REV3L: variants seen among roughly 807,000 people sequenced by gnomAD.
REV3L encodes the protein REV3 like, DNA directed polymerase zeta catalytic subunit, also known as DNA polymerase zeta catalytic subunit.
Under a neutral mutation model 299.4 loss-of-function variants are expected in REV3L, and 69 were observed. That is an observed-to-expected ratio of 0.23 (90% CI 0.19 to 0.28). The LOEUF (loss-of-function observed/expected upper bound fraction) is 0.28. Among genes scored for constraint, REV3L ranks in the 10% least tolerant of loss-of-function variants. REV3L has a pLI of 1.00. For missense variants in REV3L, 3,128 were observed against 3,693.8 expected, an observed-to-expected ratio of 0.85 and a Z score of 3.97; for synonymous variants, 1,238 against 1,271.4, an observed-to-expected ratio of 0.97 and a Z score of 0.56.
chr6:111,394,302 G>A (rs1416997032), intron 4 of REV3L, among the ~76,000 whole-genome samples: 1 of 151,952 alleles, frequency 6.6e-6, no homozygotes, highest in African/African-American at 2.4e-5. Flanking sequence ...ACCAGCATTT[G>A]TTGGTGTCTT....
At chr6:111,344,709 A>G (rs527695714) in intron 20 of REV3L, among the ~76,000 whole-genome samples, 11 of 152,366 alleles carry the variant, frequency 7.2e-5, no homozygotes, top group African/African-American at 2.4e-4. Flanking sequence ...GACAAAAGCA[A>G]TCTAGACAAT....
intron 1 of REV3L, among the ~76,000 whole-genome samples, chr6:111,428,130 T>C (rs891865729): frequency 3.3e-5 from 5 of 151,470 alleles, no homozygotes; most frequent in Non-Finnish European, 5.9e-5. Context: ...AATAAATAAC[T>C]AATCCTTGAA....
rs752881412 is a variant in REV3L, at chr6:111,374,980, TGGA to T, written c.3372_3374del (p.Pro1126del). The T allele has an allele frequency of 1.9e-6, 3 of 1,612,648 alleles. No individual in the cohort carries two copies. The Admixed American group carries it at 5.0e-5, about 27-fold the overall frequency. ...GATCTGTGGGAGACCAGCAGCGAGG[TGGA>T]GAAGAATTTATGGGACTTGTGCTTC... On this transcript the variant is annotated inframe_deletion, in exon 13 of 32. Transcript: ENST00000368802.
At chr6:111,348,892 G>A (rs1777293785) in intron 20 of REV3L, 2 of 162,280 alleles carry the variant, frequency 1.2e-5, no homozygotes, top group African/African-American at 4.8e-5. Flanking sequence ...TGGGCTCAAG[G>A]GATGCCCCTG....
intron 1 of REV3L, among the ~76,000 whole-genome samples, chr6:111,473,563 T>G (rs1792520511): frequency 6.6e-6 from 1 of 151,836 alleles, no homozygotes; most frequent in Non-Finnish European, 1.5e-5. Context: ...ACAGCCCAAG[T>G]CATCATAAAA....
chr6:111,408,051 A>T (rs73765957), intron 3 of REV3L, among the ~76,000 whole-genome samples: 3,659 of 152,304 alleles, frequency 0.024, 78 homozygotes, highest in Admixed American at 0.065. Context: ...ATGTGTGCGT[A>T]TAATTAGCAA....
chr6:111,319,109 T>TA (rs5879100), intron 26 of REV3L, among the ~76,000 whole-genome samples: 3 of 152,060 alleles, frequency 2.0e-5, no homozygotes, highest in Non-Finnish European at 2.9e-5. Context: ...TACATGTTGT[T>TA]AAAAATTATA....
chr6:111,323,794 C>T (rs912976331), intron 25 of REV3L, among the ~76,000 whole-genome samples: 28 of 152,176 alleles, frequency 1.8e-4, no homozygotes, highest in African/African-American at 6.7e-4. Flanking sequence ...GCAAACTGCA[C>T]ATTTTTTTTT....
chr6:111,397,301 T>C (rs956672250), intron 4 of REV3L, among the ~76,000 whole-genome samples: 1 of 152,134 alleles, frequency 6.6e-6, no homozygotes, highest in Non-Finnish European at 1.5e-5. Flanking sequence ...TTTTGGTATG[T>C]TGTGTTTCCA....
chr6:111,346,564 G>A (rs2114919627), intron 20 of REV3L, among the ~76,000 whole-genome samples: 1 of 152,272 alleles, frequency 6.6e-6, no homozygotes, highest in Middle Eastern at 3.4e-3. Context: ...GTGCACTGCA[G>A]CCTTGAATTC....
chr6:111,349,858 T>A (rs1234593474), intron 19 of REV3L, among the ~76,000 whole-genome samples: 1 of 152,230 alleles, frequency 6.6e-6, no homozygotes, highest in Non-Finnish European at 1.5e-5. Context: ...GTTGACATCA[T>A]GTTCACATTC....
chr6:111,460,626 A>G (rs866269286), intron 1 of REV3L, among the ~76,000 whole-genome samples: 1 of 152,068 alleles, frequency 6.6e-6, no homozygotes, highest in Non-Finnish European at 1.5e-5. Context: ...AGAAATGTTA[A>G]AAGTTCTTCA....
intron 11 of REV3L, among the ~76,000 whole-genome samples, 153 bp downstream of exon 11, chr6:111,379,829 C>T (rs1461268460): frequency 6.6e-6 from 1 of 151,844 alleles, no homozygotes; most frequent in African/African-American, 2.4e-5. Context: ...GGAGTATACG[C>T]CATATGAAAA....
chr6:111,328,921 A>G (rs903638750), intron 25 of REV3L, among the ~76,000 whole-genome samples: 1 of 152,052 alleles, frequency 6.6e-6, no homozygotes, highest in Non-Finnish European at 1.5e-5. Context: ...ACATAACACT[A>G]TGCCCGGCTA....
At chr6:111,315,000 G>A (rs893565748) in intron 27 of REV3L, among the ~76,000 whole-genome samples, 4 of 151,916 alleles carry the variant, frequency 2.6e-5, no homozygotes, top group African/African-American at 7.3e-5. Context: ...ACAGGCGTGT[G>A]CCACTATGCC....
At chr6:111,436,958 A>C (rs1218035831) in intron 1 of REV3L, among the ~76,000 whole-genome samples, 2 of 152,228 alleles carry the variant, frequency 1.3e-5, no homozygotes, top group Non-Finnish European at 2.9e-5. Context: ...AAAGGATGTG[A>C]ATAAACATTT....
intron 1 of REV3L, among the ~76,000 whole-genome samples, chr6:111,449,407 C>T (rs1241094627): frequency 6.7e-6 from 1 of 150,006 alleles, no homozygotes; most frequent in Non-Finnish European, 1.5e-5. Context: ...ACTGCAGAGA[C>T]AGACAGGAGT....
chr6:111,308,462 A>T (rs1772586577), intron 30 of REV3L, among the ~76,000 whole-genome samples: 1 of 152,224 alleles, frequency 6.6e-6, no homozygotes, highest in African/African-American at 2.4e-5. Context: ...AATTTATTGA[A>T]TACTGTACCA....
chr6:111,354,602 G>C (rs954637363), intron 18 of REV3L, among the ~76,000 whole-genome samples: 2 of 152,064 alleles, frequency 1.3e-5, no homozygotes, highest in Admixed American at 6.6e-5. Flanking sequence ...TAAAACACCT[G>C]TTTTCAAGTT....
Sources: allele counts gnomAD v4.1 joint callset (sites outside exome capture counted in the v4.1 genomes callset), GRCh38; gene constraint gnomAD v4.1.1; transcripts MANE v1.5; gene names NCBI Gene and HGNC (gene_info 2026-07-23, HGNC 2026-07-21).